SUCLG2: variants seen among roughly 807,000 people sequenced by gnomAD.
SUCLG2 encodes the protein succinate--CoA ligase [GDP-forming] subunit beta, mitochondrial.
Under a neutral mutation model 47.9 loss-of-function variants are expected in SUCLG2, and 42 were observed. That is an observed-to-expected ratio of 0.88 (90% confidence interval 0.69 to 1.14). The LOEUF (loss-of-function observed/expected upper bound fraction) is 1.14, where lower values mean the gene tolerates loss of function less well. Among genes scored for constraint, SUCLG2 ranks in the 50% most tolerant of loss-of-function variants. The pLI is 0.00. For missense variants in SUCLG2, 571 were observed against 525.9 expected (o/e 1.09, Z -0.84); for synonymous variants, 195 against 197.3 (o/e 0.99, Z 0.10).
chr3:67,643,762 C>T (rs1452139131), intron 1 of SUCLG2, among the ~76,000 whole-genome samples: 3 of 152,208 alleles, frequency 2.0e-5, no homozygotes, highest in Admixed American at 6.5e-5. Context: ...CTGCAACCTC[C>T]GCCTCCCAGG....
At chr3:67,394,152 A>G (rs981783421) in intron 10 of SUCLG2, among the ~76,000 whole-genome samples, 11 of 152,196 alleles carry the variant, frequency 7.2e-5, no homozygotes, top group Non-Finnish European at 1.6e-4. Flanking sequence ...CTCACCAGCA[A>G]CAGAACAAAG....
chr3:67,403,300 C>G (rs1702732005), intron 9 of SUCLG2, among the ~76,000 whole-genome samples: 2 of 152,182 alleles, frequency 1.3e-5, no homozygotes, highest in African/African-American at 4.8e-5. Context: ...CAAGATGCAA[C>G]TCCCGTGTTT....
chr3:67,575,852 G>A (rs573502670), intron 2 of SUCLG2, among the ~76,000 whole-genome samples: 82 of 152,282 alleles, frequency 5.4e-4, no homozygotes, highest in African/African-American at 1.7e-3. Flanking sequence ...AGACAGATTT[G>A]AAGAAAATGG....
chr3:67,613,538 T>A (rs962767600), intron 1 of SUCLG2, among the ~76,000 whole-genome samples: 3 of 152,190 alleles, frequency 2.0e-5, no homozygotes, highest in African/African-American at 7.2e-5. Flanking sequence ...ATATGGGGAA[T>A]GGCAACATTC....
chr3:67,507,635 C>T (rs901649535), intron 7 of SUCLG2, among the ~76,000 whole-genome samples: 4 of 151,932 alleles, frequency 2.6e-5, no homozygotes, highest in Non-Finnish European at 4.4e-5. Flanking sequence ...TCTCTGGGTT[C>T]GAAGGAAATG....
At chr3:67,650,841 G>A (rs1164129365) in intron 1 of SUCLG2, among the ~76,000 whole-genome samples, 3 of 152,178 alleles carry the variant, frequency 2.0e-5, no homozygotes, top group African/African-American at 7.2e-5. Context: ...GCCAAAGAGA[G>A]GGGAAATACC....
At chr3:67,617,812 G>A (rs1377604124) in intron 1 of SUCLG2, among the ~76,000 whole-genome samples, 3 of 152,032 alleles carry the variant, frequency 2.0e-5, no homozygotes, top group African/African-American at 7.3e-5. Flanking sequence ...CAAATAAACT[G>A]GAACAGTGCC....
intron 2 of SUCLG2, among the ~76,000 whole-genome samples, chr3:67,599,764 GAGAAATAGACTCCCAAATCTCTT>G (rs936936183): frequency 4.7e-5 from 7 of 150,352 alleles, no homozygotes; most frequent in Admixed American, 4.6e-4. Context: ...TTTAATTTGA[GAGAAATAGACTCCCAAATCTCTT>G]AGCTTGTTCG....
intron 10 of SUCLG2, among the ~76,000 whole-genome samples, chr3:67,395,284 T>A (rs1183904830): frequency 6.6e-6 from 1 of 151,948 alleles, no homozygotes; most frequent in African/African-American, 2.4e-5. Flanking sequence ...ACCCATCTCA[T>A]GTGCAGAGAC....
chr3:67,568,341 G>A (rs1707520217), intron 2 of SUCLG2, among the ~76,000 whole-genome samples: 1 of 152,096 alleles, frequency 6.6e-6, no homozygotes, highest in South Asian at 2.1e-4. Flanking sequence ...AGCAAAGTAA[G>A]GAAGGGATAA....
chr3:67,393,899 C>A (rs953575432), intron 10 of SUCLG2, among the ~76,000 whole-genome samples: 1 of 152,188 alleles, frequency 6.6e-6, no homozygotes, highest in Non-Finnish European at 1.5e-5. Flanking sequence ...GCCACTGATA[C>A]CCAGGCAAAC....
chr3:67,398,271 T>C (rs1395903698), intron 10 of SUCLG2, among the ~76,000 whole-genome samples: 1 of 150,564 alleles, frequency 6.6e-6, no homozygotes, highest in Non-Finnish European at 1.5e-5. Context: ...AACCTACTCA[T>C]CTGACAAAGG....
rs115891774 is a variant in SUCLG2 at position 67,611,501 on chromosome 3, C to T, written c.85-1905G>A. ...GTTATATAACATACAAAGAAAAATACGAGTTTAAGGCATTTAGCGAAAAAG... is the reference window on the plus strand; with the variant it reads ...GTTATATAACATACAAAGAAAAATATGAGTTTAAGGCATTTAGCGAAAAAG... On this transcript the variant is annotated intron_variant, in intron 1 of 10. Transcript: ENST00000307227. 7.2e-3 allele frequency among the ~76,000 whole-genome samples: 1,092 copies of T among 152,156 alleles called. 11 individuals carry two copies. The highest frequency in any genetic ancestry group is 0.024 in the African/African-American group (1,012 of 41,522).
At chr3:67,559,952 G>A (rs942613455) in intron 2 of SUCLG2, among the ~76,000 whole-genome samples, 1 of 151,796 alleles carries the variant, frequency 6.6e-6, no homozygotes, top group Admixed American at 6.6e-5. Flanking sequence ...TTGGTATTGG[G>A]GGAGGCTGTG....
At chr3:67,488,325 A>G (rs1442654813) in intron 9 of SUCLG2, among the ~76,000 whole-genome samples, 3 of 152,172 alleles carry the variant, frequency 2.0e-5, no homozygotes, top group Admixed American at 1.3e-4. Flanking sequence ...TTTAGGAATG[A>G]GACCATCTTT....
chr3:67,613,081 C>G (rs1055248382), intron 1 of SUCLG2, among the ~76,000 whole-genome samples: 2 of 152,202 alleles, frequency 1.3e-5, no homozygotes, highest in Admixed American at 6.5e-5. Flanking sequence ...TCTGGACACT[C>G]TCCAAACCTT....
intron 9 of SUCLG2, among the ~76,000 whole-genome samples, chr3:67,488,030 A>AT (rs777860827): frequency 4.6e-5 from 7 of 151,938 alleles, no homozygotes; most frequent in Non-Finnish European, 1.0e-4. Context: ...GGCAAAACAC[A>AT]TAAAAAAAAG....
intron 1 of SUCLG2, among the ~76,000 whole-genome samples, chr3:67,632,634 C>A (rs1575831571): frequency 6.6e-6 from 1 of 152,080 alleles, no homozygotes; most frequent in Non-Finnish European, 1.5e-5. Context: ...TGACCACAAC[C>A]ACTTATTAAT....
At chr3:67,624,841 G>A (rs1305535364) in intron 1 of SUCLG2, among the ~76,000 whole-genome samples, 1 of 152,260 alleles carries the variant, frequency 6.6e-6, no homozygotes, top group Middle Eastern at 3.4e-3. Context: ...GTAGTCAAAT[G>A]AGCCTGTCAC....
Sources: gnomAD v4.1 joint callset for allele counts (sites outside exome capture counted in the v4.1 genomes callset) on GRCh38, gnomAD v4.1.1 for gene constraint, MANE v1.5 for transcripts, NCBI Gene and HGNC (gene_info 2026-07-23, HGNC 2026-07-21) for gene names.